SLC25A21: variants seen among roughly 807,000 people sequenced by gnomAD.
The protein encoded by SLC25A21 is solute carrier family 25 member 21, also known as mitochondrial 2-oxodicarboxylate carrier.
A neutral mutation model predicts 43.8 loss-of-function variants in SLC25A21; 47 were observed. The observed-to-expected ratio is 1.07, with a 90% CI of 0.85 to 1.37. SLC25A21 has a LOEUF of 1.37. Ranked by LOEUF, SLC25A21 falls within the 40% of genes most tolerant of loss-of-function variation. The pLI is 0.00. For missense variants in SLC25A21, 352 were observed against 350.2 expected (o/e 1.00, Z -0.04); for synonymous variants, 131 against 121.3 (o/e 1.08, Z -0.52).
intron 2 of SLC25A21, among the ~76,000 whole-genome samples, chr14:36,815,598 G>A (rs1456545212): frequency 6.6e-6 from 1 of 151,990 alleles, no homozygotes; most frequent in African/African-American, 2.4e-5. Flanking sequence ...TTTTTGAAAG[G>A]TAAGTTCTTT....
intron 1 of SLC25A21, among the ~76,000 whole-genome samples, chr14:36,901,198 G>T (rs1473272836): frequency 6.6e-6 from 1 of 152,178 alleles, no homozygotes; most frequent in Non-Finnish European, 1.5e-5. Context: ...TTTAGGAATG[G>T]ATCTTTGATG....
At chr14:36,910,414 G>C (rs1891655853) in intron 1 of SLC25A21, among the ~76,000 whole-genome samples, 1 of 152,082 alleles carries the variant, frequency 6.6e-6, no homozygotes. Context: ...GTAGCAACAG[G>C]ACCTCACCAT....
chr14:36,720,397 T>A (rs1490716777), intron 6 of SLC25A21, among the ~76,000 whole-genome samples: 2 of 152,218 alleles, frequency 1.3e-5, no homozygotes, highest in African/African-American at 4.8e-5. Flanking sequence ...CCATGGTGGT[T>A]TATGTCCAAG....
Position 37,105,818 on chromosome 14 carries a change from T to C in SLC25A21, c.70+66463A>G, listed in dbSNP as rs17106309. Among the ~76,000 whole-genome samples, 2,393 of 152,220 alleles carry C rather than the reference T, an allele frequency of 0.016. 178 individuals are homozygous for C. In the East Asian group the frequency reaches 0.26, roughly 16 times the overall value. On this transcript the variant is annotated intron_variant, in intron 1 of 9. Coordinates refer to ENST00000331299, the MANE Select transcript of SLC25A21 (RefSeq NM_030631.4). ...GTTTGGAGTCTGTCATTTCATCATA[T>C]AGCCAAAATGCTTCCAAGATGAGGT...
intron 1 of SLC25A21, among the ~76,000 whole-genome samples, chr14:37,039,590 C>T (rs10148311): frequency 0.48 from 73,666 of 152,038 alleles, 20,805 homozygotes; most frequent in African/African-American, 0.8. Context: ...GGTATCACTA[C>T]TGCATTTGTT....
chr14:36,883,967 T>G (rs1399107775), intron 1 of SLC25A21, among the ~76,000 whole-genome samples: 1 of 152,214 alleles, frequency 6.6e-6, no homozygotes, highest in Non-Finnish European at 1.5e-5. Flanking sequence ...CTTCATATAC[T>G]TACAAACTTT....
intron 1 of SLC25A21, among the ~76,000 whole-genome samples, chr14:36,949,885 G>T (rs987226299): frequency 6.6e-6 from 1 of 152,152 alleles, no homozygotes; most frequent in Non-Finnish European, 1.5e-5. Flanking sequence ...TCAAAAAGGT[G>T]GGGGAAGGGG....
At chr14:36,920,091 A>G (rs712399) in intron 1 of SLC25A21, among the ~76,000 whole-genome samples, 114,751 of 151,962 alleles carry the variant, frequency 0.76, 44,287 homozygotes, top group African/African-American at 0.89. Flanking sequence ...TTCTGTATCA[A>G]GGAAGTAGTC....
chr14:36,883,293 CAGTA>C (rs1890802532), intron 1 of SLC25A21, among the ~76,000 whole-genome samples: 1 of 152,164 alleles, frequency 6.6e-6, no homozygotes, highest in Non-Finnish European at 1.5e-5. Flanking sequence ...GCCAGGCCTT[CAGTA>C]ATAGGCCTTT....
chr14:36,721,044 A>C (rs898866767), intron 6 of SLC25A21, among the ~76,000 whole-genome samples: 2 of 152,212 alleles, frequency 1.3e-5, no homozygotes, highest in African/African-American at 2.4e-5. Flanking sequence ...AATTGGAGCA[A>C]TATCTCAAAA....
At chr14:36,885,529 G>GA (rs1282218017) in intron 1 of SLC25A21, among the ~76,000 whole-genome samples, 3 of 152,094 alleles carry the variant, frequency 2.0e-5, no homozygotes, top group Non-Finnish European at 4.4e-5. Context: ...AGAGTACATT[G>GA]AATCTGTATA....
intron 1 of SLC25A21, among the ~76,000 whole-genome samples, chr14:37,023,560 A>G (rs553744397): frequency 6.6e-6 from 1 of 152,140 alleles, no homozygotes; most frequent in East Asian, 1.9e-4. Flanking sequence ...CCTTTTCTCC[A>G]TCTATTGATT....
intron 2 of SLC25A21, among the ~76,000 whole-genome samples, chr14:36,838,407 A>C (rs1889280761): frequency 6.6e-6 from 1 of 152,228 alleles, no homozygotes; most frequent in Non-Finnish European, 1.5e-5. Flanking sequence ...ACACTGGGAC[A>C]CACTGCACCT....
chr14:36,935,091 C>G (rs1413663085), intron 1 of SLC25A21, among the ~76,000 whole-genome samples: 1 of 152,032 alleles, frequency 6.6e-6, no homozygotes, highest in Non-Finnish European at 1.5e-5. Flanking sequence ...TTTCAATCCA[C>G]TCTAAATTTC....
chr14:36,708,970 T>C (rs1476657703), intron 7 of SLC25A21, among the ~76,000 whole-genome samples: 1 of 151,852 alleles, frequency 6.6e-6, no homozygotes, highest in Non-Finnish European at 1.5e-5. Flanking sequence ...GTGGATTTTC[T>C]TTTTTAGCAT....
At chr14:37,133,931 G>C (rs1344620276) in intron 1 of SLC25A21, among the ~76,000 whole-genome samples, 1 of 152,122 alleles carries the variant, frequency 6.6e-6, no homozygotes, top group Admixed American at 6.5e-5. Context: ...GGCTCCTGCA[G>C]GTGCAGGACC....
At chr14:37,021,438 A>G (rs1960982983) in intron 1 of SLC25A21, among the ~76,000 whole-genome samples, 3 of 152,104 alleles carry the variant, frequency 2.0e-5, no homozygotes, top group Middle Eastern at 6.8e-3. Flanking sequence ...AAGTTAAAAG[A>G]CAATTGCTCT....
At chr14:37,078,833 A>G (rs913580762) in intron 1 of SLC25A21, among the ~76,000 whole-genome samples, 7 of 149,104 alleles carry the variant, frequency 4.7e-5, no homozygotes, top group African/African-American at 1.7e-4. Context: ...TTGGCTTTCC[A>G]TTATTTTCCT....
At chr14:36,759,567 T>G (rs988782914) in intron 3 of SLC25A21, 3 of 152,208 alleles carry the variant, frequency 2.0e-5, no homozygotes, top group African/African-American at 7.2e-5. Flanking sequence ...CATTTATGTC[T>G]TACAGAGGAG....
Sources: gnomAD v4.1 joint callset for allele counts (sites outside exome capture counted in the v4.1 genomes callset) on GRCh38, gnomAD v4.1.1 for gene constraint, MANE v1.5 for transcripts, NCBI Gene and HGNC (gene_info 2026-07-23, HGNC 2026-07-21) for gene names.